The following POFUT3 variants were observed in gnomAD, a reference collection of about 807,000 sequenced individuals.
The protein encoded by POFUT3 is protein O-fucosyltransferase 3, also known as GDP-fucose protein O-fucosyltransferase 3.
chr8:33,390,800 T>C, the POFUT3 span, among the ~76,000 whole-genome samples: 1 of 152,128 alleles, frequency 6.6e-6, no homozygotes, highest in Non-Finnish European at 1.5e-5. Flanking sequence ...CAATTATGAG[T>C]GACCCTAGCA....
the POFUT3 span, among the ~76,000 whole-genome samples, chr8:33,456,891 C>A: frequency 4.4e-4 from 66 of 151,546 alleles, no homozygotes; most frequent in Admixed American, 9.9e-4. Context: ...GCCTCAGCCT[C>A]CCAAGTAGCT....
chr8:33,359,176 ATAT>A, the POFUT3 span, among the ~76,000 whole-genome samples: 1 of 152,202 alleles, frequency 6.6e-6, no homozygotes, highest in African/African-American at 2.4e-5. Context: ...ATGTGGCAAG[ATAT>A]TATCAATTGG....
chr8:33,349,473 C>A, the POFUT3 span, among the ~76,000 whole-genome samples: 1 of 152,134 alleles, frequency 6.6e-6, no homozygotes, highest in Non-Finnish European at 1.5e-5. Context: ...TCCATTGTAT[C>A]ATTCTTATGC....
At chr8:33,429,377 A>G in the POFUT3 span, among the ~76,000 whole-genome samples, 716 of 152,324 alleles carry the variant, frequency 4.7e-3, 4 homozygotes, top group Admixed American at 8.2e-3. Context: ...ATAGAAATGT[A>G]TAAAATTAGA....
chr8:33,380,150 C>CTA, the POFUT3 span, among the ~76,000 whole-genome samples: 3 of 44,746 alleles, frequency 6.7e-5, no homozygotes, highest in Admixed American at 3.7e-4. Context: ...TATATATACA[C>CTA]TATATATATA....
the POFUT3 span, among the ~76,000 whole-genome samples, chr8:33,310,388 C>G: frequency 0.025 from 3,803 of 152,204 alleles, 168 homozygotes; most frequent in African/African-American, 0.087. Flanking sequence ...GATGTGTTCT[C>G]TCATCAAATG....
the POFUT3 span, among the ~76,000 whole-genome samples, chr8:33,457,185 C>T: frequency 2.6e-5 from 4 of 152,202 alleles, no homozygotes; most frequent in East Asian, 5.8e-4. Flanking sequence ...TGGTGGCTCA[C>T]ACCTGTACTC....
chr8:33,456,090 T>C, the POFUT3 span, among the ~76,000 whole-genome samples: 3 of 152,166 alleles, frequency 2.0e-5, no homozygotes, highest in Non-Finnish European at 4.4e-5. Context: ...GATGGAACAA[T>C]GTGGCTCTCC....
At chr8:33,429,910 C>T in the POFUT3 span, among the ~76,000 whole-genome samples, 2 of 150,882 alleles carry the variant, frequency 1.3e-5, no homozygotes, top group Non-Finnish European at 2.9e-5. Flanking sequence ...GCAAAAGAAT[C>T]ACTTGAACCC....
chr8:33,454,210 C>T, the POFUT3 span, among the ~76,000 whole-genome samples: 6 of 152,178 alleles, frequency 3.9e-5, no homozygotes, highest in Non-Finnish European at 8.8e-5. Context: ...TCTCACTGGG[C>T]TAAGACCCAG....
chr8:33,318,443 T>C, the POFUT3 span, among the ~76,000 whole-genome samples: 27 of 142,406 alleles, frequency 1.9e-4, no homozygotes, highest in Non-Finnish European at 3.6e-4. Context: ...TATGTATTTA[T>C]ATGTGTGTGT....
chr8:33,426,481 T>C, the POFUT3 span, among the ~76,000 whole-genome samples: 3 of 152,182 alleles, frequency 2.0e-5, no homozygotes, highest in Admixed American at 2.0e-4. Flanking sequence ...AATTGTTCAT[T>C]GACAAGCTTA....
At chr8:33,470,247 A>C in the POFUT3 span, among the ~76,000 whole-genome samples, 3 of 30,632 alleles carry the variant, frequency 9.8e-5, no homozygotes, top group Admixed American at 2.6e-4. Flanking sequence ...AAAAAAAAAA[A>C]AAAAAAAAAA....
At chr8:33,425,290 T>C in the POFUT3 span, among the ~76,000 whole-genome samples, 1 of 151,866 alleles carries the variant, frequency 6.6e-6, no homozygotes, top group African/African-American at 2.4e-5. Flanking sequence ...GCTACAATCA[T>C]ACCACTGCAC....
chr8:33,344,384 ATAACCACG>A, the POFUT3 span, among the ~76,000 whole-genome samples: 1 of 152,138 alleles, frequency 6.6e-6, no homozygotes, highest in Admixed American at 6.5e-5. Context: ...ACCTCCCTGA[ATAACCACG>A]TATCGATGGT....
chr8:33,351,012 G>A, the POFUT3 span, among the ~76,000 whole-genome samples: 3 of 152,266 alleles, frequency 2.0e-5, no homozygotes, highest in East Asian at 5.8e-4. Flanking sequence ...GTCTCACTCT[G>A]TTGCCCAGGC....
chr8:33,384,923 CACATGACACTGTGACAACAATGTG>C, the POFUT3 span, among the ~76,000 whole-genome samples: 172 of 152,256 alleles, frequency 1.1e-3, no homozygotes, highest in African/African-American at 3.3e-3. Context: ...CCAAAATGGA[CACATGACACTGTGACAACAATGTG>C]ACAGTGGGCA....
chr8:33,341,336 G>A, the POFUT3 span, among the ~76,000 whole-genome samples: 2 of 151,154 alleles, frequency 1.3e-5, no homozygotes, highest in Non-Finnish European at 2.9e-5. Flanking sequence ...TTGGGAGGAT[G>A]AGGCAGGAGA....
At chr8:33,438,732 G>A in the POFUT3 span, among the ~76,000 whole-genome samples, 1 of 152,198 alleles carries the variant, frequency 6.6e-6, no homozygotes, top group South Asian at 2.1e-4. Flanking sequence ...CGAAAGGCAT[G>A]TCTTATATGG....
Sources: gnomAD v4.1 joint callset for allele counts (sites outside exome capture counted in the v4.1 genomes callset) on GRCh38, gnomAD v4.1.1 for gene constraint, MANE v1.5 for transcripts, NCBI Gene and HGNC (gene_info 2026-07-23, HGNC 2026-07-21) for gene names.